The following SEC24D variants were observed in gnomAD, a reference collection of about 807,000 sequenced individuals.
SEC24D encodes SEC24 homolog D, COPII component.
Under a neutral mutation model 116.9 loss-of-function variants are expected in SEC24D, and 69 were observed. The observed-to-expected ratio is 0.59, with a 90% CI of 0.49 to 0.72. SEC24D has a LOEUF of 0.72. Among genes scored for constraint, SEC24D ranks in the 30% least tolerant of loss-of-function variants. The probability of loss-of-function intolerance (pLI) is 0.00; values close to 1 mark genes in which losing one functional copy is unlikely to be tolerated. For missense variants in SEC24D, 1,131 were observed against 1,264.1 expected (o/e 0.89, Z 1.60); for synonymous variants, 405 against 442.8 (o/e 0.91, Z 1.07).
intron 2 of SEC24D, among the ~76,000 whole-genome samples, chr4:118,828,295 G>A (rs1217873404): frequency 2.0e-5 from 3 of 152,190 alleles, no homozygotes; most frequent in African/African-American, 7.2e-5. Context: ...GTTTTTAGTA[G>A]AGACGGCGTT....
chr4:118,762,458 T>C (rs988684720), intron 10 of SEC24D, among the ~76,000 whole-genome samples: 4 of 152,222 alleles, frequency 2.6e-5, no homozygotes, highest in African/African-American at 9.6e-5. Flanking sequence ...ATACAATACA[T>C]AGAAAGAATT....
At chr4:118,732,647 A>G (rs774934750) in intron 20 of SEC24D, 86 bp downstream of exon 20, 9 of 1,271,472 alleles carry the variant, frequency 7.1e-6, no homozygotes, top group East Asian at 2.3e-5. Context: ...TAAGAACAAC[A>G]TATTTCAGAT....
chr4:118,815,215 G>C, intron 5 of SEC24D, 60 bp from the exon 6 acceptor site: 1 of 1,590,672 alleles, frequency 6.3e-7, no homozygotes, highest in Non-Finnish European at 8.6e-7. Flanking sequence ...TGTAAGACTT[G>C]TTGACGATAT....
chr4:118,731,545 C>A (rs779034160), intron 20 of SEC24D, 38 bp from the exon 21 acceptor site: 1 of 1,545,686 alleles, frequency 6.5e-7, no homozygotes, highest in African/African-American at 1.4e-5. Flanking sequence ...AAACTCCTTT[C>A]TTCCCCTTCC....
intron 6 of SEC24D, among the ~76,000 whole-genome samples, chr4:118,811,168 G>A (rs551392563): frequency 6.6e-6 from 1 of 152,288 alleles, no homozygotes; most frequent in Non-Finnish European, 1.5e-5. Flanking sequence ...AGCAGATATA[G>A]GCAACTCTTT....
intron 19 of SEC24D, among the ~76,000 whole-genome samples, chr4:118,734,345 T>C (rs1459534379): frequency 1.3e-5 from 2 of 151,878 alleles, no homozygotes; most frequent in Admixed American, 1.3e-4. Context: ...CCTGAGTACC[T>C]GGGATTACAG....
At chr4:118,754,037 T>C (rs530193178) in intron 11 of SEC24D, 1 of 152,244 alleles carries the variant, frequency 6.6e-6, no homozygotes, top group African/African-American at 2.4e-5. Flanking sequence ...ACTTACCAAT[T>C]TCTTTGATAT....
rs1479289320 is a variant in SEC24D at position 118,786,168 on chromosome 4, T to A, written c.1041+11515A>T. On this transcript the variant is annotated intron_variant, in intron 8 of 22. Coordinates refer to ENST00000280551, the MANE Select transcript of SEC24D (RefSeq NM_014822.4). Reference sequence around the variant, plus strand: ...CTAAATTCCTGCCTTAGTCACCACATTCATGACAATGCTATATTCCTGACA... The same window carrying A: ...CTAAATTCCTGCCTTAGTCACCACAATCATGACAATGCTATATTCCTGACA... Among the ~76,000 whole-genome samples the A allele has an allele frequency of 2.6e-5, 4 of 152,318 alleles. No individual in the cohort carries two copies. In the East Asian group the frequency reaches 7.7e-4, roughly 29 times the overall value.
At chr4:118,803,272 A>T (rs1229250356) in intron 7 of SEC24D, among the ~76,000 whole-genome samples, 1 of 152,216 alleles carries the variant, frequency 6.6e-6, no homozygotes, top group Non-Finnish European at 1.5e-5. Flanking sequence ...TTATATATAT[A>T]GATTTGACCA....
chr4:118,817,584 T>C (rs1375638123), intron 3 of SEC24D, among the ~76,000 whole-genome samples, 172 bp from the exon 4 acceptor site: 2 of 152,118 alleles, frequency 1.3e-5, no homozygotes, highest in African/African-American at 4.8e-5. Context: ...AATATGATCA[T>C]GTAGCATCAT....
At chr4:118,776,940 C>G (rs1728161654) in intron 8 of SEC24D, among the ~76,000 whole-genome samples, 1 of 151,808 alleles carries the variant, frequency 6.6e-6, no homozygotes, top group African/African-American at 2.4e-5. Context: ...TGTGAAATAC[C>G]CTAAAGATAA....
chr4:118,793,656 G>A (rs1729049290), intron 8 of SEC24D, among the ~76,000 whole-genome samples: 1 of 152,130 alleles, frequency 6.6e-6, no homozygotes, highest in Non-Finnish European at 1.5e-5. Flanking sequence ...CTTCTTCCTG[G>A]TGTTGCAGCA....
At chr4:118,777,469 T>C (rs1048310936) in intron 8 of SEC24D, among the ~76,000 whole-genome samples, 4 of 152,232 alleles carry the variant, frequency 2.6e-5, no homozygotes, top group Non-Finnish European at 5.9e-5. Flanking sequence ...GGCTGCATAG[T>C]ATTCCATGGT....
intron 6 of SEC24D, 111 bp downstream of exon 6, chr4:118,814,917 C>A: frequency 1.7e-6 from 2 of 1,201,326 alleles, no homozygotes; most frequent in South Asian, 1.5e-5. Context: ...TGATGAGTAT[C>A]TCCTAACTTC....
intron 13 of SEC24D, among the ~76,000 whole-genome samples, chr4:118,749,983 G>T (rs193144184): frequency 6.6e-6 from 1 of 152,280 alleles, no homozygotes; most frequent in African/African-American, 2.4e-5. Context: ...TTGTATTTAT[G>T]AAGTTATCCT....
rs1185148886 is a variant in SEC24D at position 118,751,176 on chromosome 4, CTTTTTTTT to C, written c.1707+812_1707+819del. ...TAATAATGATGATTTAGAGTGAGGG[CTTTTTTTT>C]TTTTTTTTTTTGAGATGTAGTTTCG... On this transcript the variant is annotated intron_variant, in intron 13 of 22. Transcript: ENST00000280551. Among the ~76,000 whole-genome samples the C allele has an allele frequency of 3.1e-3, 307 of 100,336 alleles. 2 individuals carry two copies. Among genetic ancestry groups the C allele is most frequent in the African/African-American group, 9.9e-3 (290 of 29,158 alleles). 65.8% of individuals were successfully genotyped at this position (100,336 alleles called of 152,430 possible). A position where few individuals can be genotyped will look rare whatever the true frequency, so the allele number is the denominator to read the frequency against.
At chr4:118,738,782 A>G (rs1036018059) in intron 18 of SEC24D, among the ~76,000 whole-genome samples, 2 of 152,198 alleles carry the variant, frequency 1.3e-5, no homozygotes, top group African/African-American at 2.4e-5. Context: ...TTTCATAGTT[A>G]TCATGGTATG....
At chr4:118,810,256 G>C (rs992909663) in intron 6 of SEC24D, among the ~76,000 whole-genome samples, 1 of 152,062 alleles carries the variant, frequency 6.6e-6, no homozygotes, top group African/African-American at 2.4e-5. Flanking sequence ...CTTAGAATTT[G>C]AATGGATGAC....
intron 1 of SEC24D, among the ~76,000 whole-genome samples, 200 bp downstream of exon 1, chr4:118,835,741 C>T (rs1350168225): frequency 6.6e-6 from 1 of 152,224 alleles, no homozygotes; most frequent in Non-Finnish European, 1.5e-5. Context: ...CGCCCACCTC[C>T]TGCTCCCCCA....
Sources: allele counts gnomAD v4.1 joint callset (sites outside exome capture counted in the v4.1 genomes callset), GRCh38; gene constraint gnomAD v4.1.1; transcripts MANE v1.5; gene names NCBI Gene and HGNC (gene_info 2026-07-23, HGNC 2026-07-21).